The following PGPEP1L variants were observed in gnomAD, a reference collection of about 807,000 sequenced individuals.
PGPEP1L encodes pyroglutamyl-peptidase I like.
Under a neutral mutation model 6.0 loss-of-function variants are expected in PGPEP1L, and 7 were observed. The ratio of observed to expected loss-of-function variants is 1.17; its 90% confidence interval spans 0.66 to 2.19. The LOEUF is 2.19. Ranked by LOEUF, PGPEP1L falls within the 30% of genes most tolerant of loss-of-function variation. The pLI, the probability that PGPEP1L is intolerant of heterozygous loss-of-function variation, is 0.00. For synonymous variants in PGPEP1L, 103 were observed against 83.9 expected (o/e 1.23, Z -1.24); for missense variants, 209 against 192.5 (o/e 1.09, Z -0.51).
rs1350551535 is a variant in PGPEP1L at position 99,007,371 on chromosome 15, T to C, written c.-382A>G. On this transcript the variant is annotated 5_prime_UTR_variant, in exon 1 of 5. It removes an upstream start codon present in the reference 5' UTR. Transcript: ENST00000535714. ...TCCTATCACTTACCTAGTTCCGTCA[T>C]GGTGTGTCCAGAATCGGCGGATTCT... 4 of 152,400 alleles carry C rather than the reference T, an allele frequency of 2.6e-5. No homozygotes were observed. The highest frequency in any genetic ancestry group is 6.5e-5 in the Admixed American group (1 of 15,284). 9.4% of individuals were successfully genotyped at this position (152,400 alleles called of 1,614,324 possible).
intron 2 of PGPEP1L, among the ~76,000 whole-genome samples, chr15:98,996,899 C>T (rs1389430643): frequency 6.6e-6 from 1 of 152,042 alleles, no homozygotes; most frequent in Non-Finnish European, 1.5e-5. Context: ...GGCAATATGC[C>T]CCACCTGGTT....
intron 2 of PGPEP1L, among the ~76,000 whole-genome samples, chr15:98,975,647 G>A (rs1394964314): frequency 2.0e-5 from 3 of 152,164 alleles, no homozygotes; most frequent in Non-Finnish European, 4.4e-5. Flanking sequence ...TTGGGAGGCC[G>A]AGACGGGCGG....
intron 2 of PGPEP1L, among the ~76,000 whole-genome samples, chr15:98,986,276 G>GA (rs1201171270): frequency 5.9e-5 from 9 of 152,260 alleles, no homozygotes; most frequent in Middle Eastern, 3.4e-3. Context: ...CTGGCCACCA[G>GA]AAAAAAACAA....
intron 2 of PGPEP1L, among the ~76,000 whole-genome samples, chr15:98,986,359 A>AC (rs1555471493): frequency 6.6e-6 from 1 of 152,196 alleles, no homozygotes; most frequent in African/African-American, 2.4e-5. Context: ...GATTGAGTTT[A>AC]ATCATATGAC....
At chr15:98,980,988 C>T (rs2017650777) in intron 2 of PGPEP1L, among the ~76,000 whole-genome samples, 1 of 152,076 alleles carries the variant, frequency 6.6e-6, no homozygotes, top group Non-Finnish European at 1.5e-5. Flanking sequence ...CAAACACTCC[C>T]TCCACCAAGT....
chr15:98,980,939 G>A (rs200001698), intron 2 of PGPEP1L, among the ~76,000 whole-genome samples: 18 of 145,858 alleles, frequency 1.2e-4, no homozygotes, highest in Middle Eastern at 3.2e-3. Flanking sequence ...TCTGGAAAAG[G>A]AAAAAAAAAA....
chr15:98,987,687 T>C (rs543189283), intron 2 of PGPEP1L, among the ~76,000 whole-genome samples: 35 of 152,286 alleles, frequency 2.3e-4, no homozygotes, highest in African/African-American at 8.2e-4. Flanking sequence ...CTTTAATAGT[T>C]ACTCTTGAAG....
intron 2 of PGPEP1L, among the ~76,000 whole-genome samples, chr15:98,995,419 C>T (rs550776377): frequency 2.0e-5 from 3 of 152,254 alleles, no homozygotes; most frequent in African/African-American, 7.2e-5. Flanking sequence ...CAATTCAGGC[C>T]GGGTGCAGTG....
intron 2 of PGPEP1L, among the ~76,000 whole-genome samples, chr15:99,004,057 G>A (rs78532544): frequency 0.066 from 9,653 of 146,958 alleles, 647 homozygotes; most frequent in East Asian, 0.34. Context: ...AGGAAACCCT[G>A]CCTCTTCATC....
intron 2 of PGPEP1L, among the ~76,000 whole-genome samples, chr15:98,978,863 G>A (rs2017612435): frequency 6.6e-6 from 1 of 150,818 alleles, no homozygotes; most frequent in Admixed American, 6.6e-5. Context: ...CCGAGTAGCT[G>A]GGACTACAGG....
intron 2 of PGPEP1L, among the ~76,000 whole-genome samples, chr15:98,982,172 C>T (rs2017673853): frequency 6.6e-6 from 1 of 152,248 alleles, no homozygotes; most frequent in Admixed American, 6.5e-5. Context: ...TGTGAAGCCA[C>T]AGCAGACACC....
intron 2 of PGPEP1L, among the ~76,000 whole-genome samples, chr15:99,000,155 C>T (rs1567243645): frequency 6.6e-6 from 1 of 152,236 alleles, no homozygotes; most frequent in Non-Finnish European, 1.5e-5. Context: ...GGCCGGCCAG[C>T]CCCGCCGGCC....
chr15:99,003,480 G>A (rs1328326165), intron 2 of PGPEP1L, among the ~76,000 whole-genome samples: 6 of 151,828 alleles, frequency 4.0e-5, no homozygotes, highest in Admixed American at 6.6e-5. Context: ...TGAGAGGCCC[G>A]TGGGAGGGAT....
chr15:98,980,244 C>A (rs760844495), intron 2 of PGPEP1L, among the ~76,000 whole-genome samples: 1 of 152,096 alleles, frequency 6.6e-6, no homozygotes, highest in Non-Finnish European at 1.5e-5. Context: ...GCTAAACACA[C>A]AGCCATAAAA....
rs919280374 is a variant in PGPEP1L, at chr15:98,999,763, C to A, written c.-142+5666G>T. On this transcript the variant is annotated intron_variant, in intron 2 of 4. Coordinates refer to ENST00000535714, the MANE Select transcript of PGPEP1L (RefSeq NM_001167902.2). ...CAGTGGAAGAGAGAAGTAGAAACAT[C>A]AAAATGTCCATCAACTGATGAATGG... Among the ~76,000 whole-genome samples, 5 of 152,226 alleles carry A rather than the reference C, an allele frequency of 3.3e-5. No homozygotes were observed. In the South Asian group the frequency reaches 1.0e-3, roughly 32 times the overall value.
rs759039005 is a variant in PGPEP1L at position 98,968,465 on chromosome 15, A to G, written c.*13T>C. 9.3e-6 allele frequency: 15 copies of G among 1,609,160 alleles called. No individual in the cohort carries two copies. Among genetic ancestry groups the G allele is most frequent in the Non-Finnish European group, 1.3e-5 (15 of 1,177,412 alleles). ...TGAAACATTCAATTTTCTCTAGAGG[A>G]GCAATCCCCCGGTCAGTTCCCTTTG... On this transcript the variant is annotated 3_prime_UTR_variant, in exon 5 of 5. Coordinates refer to ENST00000535714, the MANE Select transcript of PGPEP1L (RefSeq NM_001167902.2).
intron 2 of PGPEP1L, among the ~76,000 whole-genome samples, chr15:98,975,276 G>T (rs2017551733): frequency 6.6e-6 from 1 of 152,176 alleles, no homozygotes; most frequent in East Asian, 1.9e-4. Context: ...AAAAGTTGAT[G>T]TCATGGAGGT....
intron 2 of PGPEP1L, among the ~76,000 whole-genome samples, chr15:98,996,631 G>A (rs1159155688): frequency 2.0e-5 from 3 of 151,538 alleles, no homozygotes; most frequent in Non-Finnish European, 2.9e-5. Flanking sequence ...GTGTATGTGT[G>A]TTGTGTGCAT....
intron 2 of PGPEP1L, chr15:99,001,394 G>C (rs938933405): frequency 1.1e-5 from 2 of 177,074 alleles, no homozygotes. Context: ...CCAGAAGCTG[G>C]GTATGTGTGT....
Sources: allele counts gnomAD v4.1 joint callset (sites outside exome capture counted in the v4.1 genomes callset), GRCh38; gene constraint gnomAD v4.1.1; transcripts MANE v1.5; gene names NCBI Gene and HGNC (gene_info 2026-07-23, HGNC 2026-07-21).